The following MGAT5 variants were observed in gnomAD, a reference collection of about 807,000 sequenced individuals.
MGAT5 encodes the protein alpha-1,6-mannosylglycoprotein 6-beta-N-acetylglucosaminyltransferase A.
Under a neutral mutation model 94.3 loss-of-function variants are expected in MGAT5, and 30 were observed. The observed-to-expected ratio is 0.32, with a 90% confidence interval of 0.24 to 0.43. The LOEUF (loss-of-function observed/expected upper bound fraction) is 0.43, where lower values mean the gene tolerates loss of function less well. Ranked by LOEUF, MGAT5 falls within the 20% of genes least tolerant of loss-of-function variation. The pLI, the probability that MGAT5 is intolerant of heterozygous loss-of-function variation, is 1.00. For synonymous variants in MGAT5, 310 were observed against 322.9 expected (o/e 0.96, Z 0.43); for missense variants, 691 against 905.5 (o/e 0.76, Z 3.04).
At chr2:134,293,681 G>T (rs552336539) in intron 2 of MGAT5, among the ~76,000 whole-genome samples, 6 of 152,130 alleles carry the variant, frequency 3.9e-5, no homozygotes, top group Non-Finnish European at 5.9e-5. Flanking sequence ...TGTTGCCCAG[G>T]CTGGTCTCAA....
chr2:134,294,772 T>G (rs1685568453), intron 2 of MGAT5, among the ~76,000 whole-genome samples: 1 of 152,238 alleles, frequency 6.6e-6, no homozygotes, highest in Non-Finnish European at 1.5e-5. Flanking sequence ...CAAGCAAGCA[T>G]TAGGTCATAG....
At chr2:134,157,384 A>G (rs1183762630) in intron 1 of MGAT5, among the ~76,000 whole-genome samples, 2 of 152,218 alleles carry the variant, frequency 1.3e-5, no homozygotes, top group Non-Finnish European at 2.9e-5. Flanking sequence ...AAAGCTTGTG[A>G]AACATTTGCA....
intron 9 of MGAT5, among the ~76,000 whole-genome samples, chr2:134,355,635 G>A (rs571333283): frequency 6.6e-5 from 10 of 152,248 alleles, no homozygotes; most frequent in Non-Finnish European, 1.2e-4. Context: ...AAATCTGCCC[G>A]CACAGAAAAA....
At chr2:134,369,727 T>TTTGTGTGTGTGTGTG (rs1553455659) in intron 10 of MGAT5, among the ~76,000 whole-genome samples, 1 of 142,196 alleles carries the variant, frequency 7.0e-6, no homozygotes, top group African/African-American at 2.6e-5. Flanking sequence ...GGTTTTTACA[T>TTTGTGTGTGTGTGTG]TGTGTGTGTG....
rs79295196 is a variant in MGAT5 at position 134,200,571 on chromosome 2, C to T, written c.-142-53691C>T. Among the ~76,000 whole-genome samples, 1,294 of 152,218 alleles carry T rather than the reference C, an allele frequency of 8.5e-3. 71 individuals are homozygous for T. In the East Asian group the frequency reaches 0.15, roughly 18 times the overall value. On this transcript the variant is annotated intron_variant, in intron 1 of 16. Coordinates refer to the MGAT5 transcript ENST00000409645. ...GTAGACTGAGTGTCTTTCTATATAA[C>T]CTCTATTAGCATTAGCCTTTCTCCA...
chr2:134,422,975 A>T, intron 13 of MGAT5, 56 bp downstream of exon 13: 1 of 1,277,146 alleles, frequency 7.8e-7, no homozygotes, highest in Non-Finnish European at 1.1e-6. Flanking sequence ...AAATGTGTAT[A>T]AAACACATCA....
intron 11 of MGAT5, among the ~76,000 whole-genome samples, chr2:134,403,600 G>T (rs1399638054): frequency 6.6e-6 from 1 of 152,194 alleles, no homozygotes; most frequent in African/African-American, 2.4e-5. Flanking sequence ...TCAGATGAGG[G>T]CAAAGTCCCT....
At chr2:134,437,816 G>A (rs190906720) in intron 14 of MGAT5, among the ~76,000 whole-genome samples, 7 of 152,148 alleles carry the variant, frequency 4.6e-5, no homozygotes, top group Admixed American at 1.3e-4. Flanking sequence ...GGAGTTCGAG[G>A]TCAGCCTGGC....
chr2:134,122,507 C>T (rs1685659829), intron 1 of MGAT5, among the ~76,000 whole-genome samples: 1 of 152,096 alleles, frequency 6.6e-6, no homozygotes, highest in South Asian at 2.1e-4. Context: ...CATTTAAATG[C>T]CCATGTTGTC....
chr2:134,157,349 C>T (rs1417033786), intron 1 of MGAT5, among the ~76,000 whole-genome samples: 1 of 152,062 alleles, frequency 6.6e-6, no homozygotes, highest in Non-Finnish European at 1.5e-5. Context: ...TAAAATGATT[C>T]AAAAATGAAA....
chr2:134,448,558 C>A (rs941842638), intron 15 of MGAT5, 91 bp from the exon 16 acceptor site: 65 of 1,170,726 alleles, frequency 5.6e-5, no homozygotes, highest in Non-Finnish European at 7.9e-5. Context: ...AACATCCCCC[C>A]ATGCCTCAAG....
chr2:134,319,868 T>C (rs1489388445), intron 4 of MGAT5: 2 of 256,978 alleles, frequency 7.8e-6, no homozygotes, highest in East Asian at 2.6e-4. Flanking sequence ...ATGCTCAATT[T>C]GGTAACCTGA....
At chr2:134,306,661 A>G (rs1350011125) in intron 2 of MGAT5, among the ~76,000 whole-genome samples, 1 of 152,150 alleles carries the variant, frequency 6.6e-6, no homozygotes, top group Non-Finnish European at 1.5e-5. Context: ...GAATGAGGCT[A>G]TAAATGAGTG....
At chr2:134,448,505 AG>A (rs1247372349) in intron 15 of MGAT5, 143 bp from the exon 16 acceptor site, 1 of 767,704 alleles carries the variant, frequency 1.3e-6, no homozygotes, top group Non-Finnish European at 2.3e-6. Flanking sequence ...GCAGACGAAG[AG>A]GGTGGGCACC....
At chr2:134,259,820 G>A (rs1372301416) in intron 1 of MGAT5, among the ~76,000 whole-genome samples, 1 of 152,184 alleles carries the variant, frequency 6.6e-6, no homozygotes, top group Non-Finnish European at 1.5e-5. Context: ...GATGGACAAA[G>A]GCCCTGCTCT....
At chr2:134,369,594 A>G (rs1290983853) in intron 10 of MGAT5, among the ~76,000 whole-genome samples, 1 of 152,252 alleles carries the variant, frequency 6.6e-6, no homozygotes, top group Non-Finnish European at 1.5e-5. Flanking sequence ...TATATTATAC[A>G]TATAAAACTC....
chr2:134,252,242 G>A (rs1185965858), upstream of MGAT5, among the ~76,000 whole-genome samples: 1 of 152,190 alleles, frequency 6.6e-6, no homozygotes, highest in Non-Finnish European at 1.5e-5. Context: ...GCACTCATGT[G>A]CCAGCTGGGT....
chr2:134,375,243 C>CATATGCTATATAG (rs1681092140), intron 10 of MGAT5, among the ~76,000 whole-genome samples: 1 of 152,186 alleles, frequency 6.6e-6, no homozygotes, highest in Non-Finnish European at 1.5e-5. Flanking sequence ...AAAGGTTCCT[C>CATATGCTATATAG]AGGTGGTCAG....
In MGAT5 at chr2:134,441,053, A is replaced by C. The variant is rs566419633; in HGVS notation, c.1870-705A>C. 1.1e-4 allele frequency among the ~76,000 whole-genome samples: 16 copies of C among 152,218 alleles called. No individual in the cohort carries two copies. The South Asian group carries it at 1.9e-3, about 18-fold the overall frequency. ...TGTTAATATCAATTAGCCTGTTGTA[A>C]AATTGGTTTCTTTATATTGTCATTT... On this transcript the variant is annotated intron_variant, in intron 14 of 15. Coordinates refer to ENST00000281923, the MANE Select transcript of MGAT5 (RefSeq NM_002410.5).
Sources: gnomAD v4.1 joint callset for allele counts (sites outside exome capture counted in the v4.1 genomes callset) on GRCh38, gnomAD v4.1.1 for gene constraint, MANE v1.5 for transcripts, NCBI Gene and HGNC (gene_info 2026-07-23, HGNC 2026-07-21) for gene names.